PTPRU: variants seen among roughly 807,000 people sequenced by gnomAD.
PTPRU encodes the protein receptor-type tyrosine-protein phosphatase U.
PTPRU carries 69 observed loss-of-function variants against 166.3 expected under a neutral mutation model. The observed-to-expected ratio is 0.41, with a 90% confidence interval of 0.34 to 0.51. The LOEUF (loss-of-function observed/expected upper bound fraction) is 0.51. Among genes scored for constraint, PTPRU ranks in the 20% least tolerant of loss-of-function variants. The pLI is 0.09. For synonymous variants in PTPRU, 793 were observed against 814.0 expected (o/e 0.97, Z 0.44); for missense variants, 1,657 against 2,013.7 (o/e 0.82, Z 3.39).
intron 7 of PTPRU, among the ~76,000 whole-genome samples, chr1:29,269,981 C>T (rs1685492241): frequency 6.6e-6 from 1 of 152,100 alleles, no homozygotes; most frequent in Non-Finnish European, 1.5e-5. Flanking sequence ...TGTTTGCCTC[C>T]AGACTTCTAT....
Position 29,280,456 on chromosome 1 carries a change from C to T in PTPRU, c.1868+315C>T, listed in dbSNP as rs1686012218. On this transcript the variant is annotated intron_variant, in intron 11 of 29. Transcript: ENST00000373779. The surrounding 1 kb of genome is among the most constrained non-coding windows in gnomAD (Gnocchi z 4.2). ...CCTTGGAGAAGTGAAACTCTGGGGG[C>T]CTTATATCATCCCAGCCTTTTCCTG... Among the ~76,000 whole-genome samples the T allele has an allele frequency of 6.6e-6, 1 of 152,152 alleles. No homozygotes were observed.
chr1:29,299,088 C>T (rs9426416), intron 15 of PTPRU, among the ~76,000 whole-genome samples: 37,977 of 152,058 alleles, frequency 0.25, 5,993 homozygotes, highest in East Asian at 0.63. Flanking sequence ...GAAAGTGCCA[C>T]CACTGAGGGA....
Position 29,258,670 on chromosome 1 carries a change from A to G in PTPRU, c.371A>G (p.Asn124Ser). The change falls in exon 3 of 30, where the codon AAT becomes AGT. Residue 124 changes from asparagine to serine, a missense_variant. Asn to Ser is a conservative substitution (Grantham distance 46). Around this residue, in one of 3 missense-constraint regions of PTPRU, gnomAD observed 453 missense variants for 496.9 expected, o/e 0.91. Transcript: ENST00000373779. ...PGTLGVYVRV[N>S]GGPLGSAVWN... is the part of the protein sequence containing the mutation. The stretch of plus-strand genomic sequence containing the variant: ...ACCCTGGGCGTCTACGTGCGCGTTA[A>G]TGGGGGCCCCCTGGGCAGTGCTGTG... The G allele has an allele frequency of 4.3e-6, 7 of 1,614,192 alleles. No homozygotes were observed. Among genetic ancestry groups the G allele is most frequent in the Non-Finnish European group, 5.9e-6 (7 of 1,180,030 alleles).
intron 2 of PTPRU, 94 bp downstream of exon 2, chr1:29,255,500 C>G: frequency 6.6e-7 from 1 of 1,512,526 alleles, no homozygotes; most frequent in South Asian, 1.2e-5. Context: ...TACTTAACCT[C>G]TCTGGGCCCC....
At chr1:29,312,182 C>T (rs1165864226) in intron 21 of PTPRU, among the ~76,000 whole-genome samples, 3 of 152,174 alleles carry the variant, frequency 2.0e-5, no homozygotes. Flanking sequence ...TCTGTAAAGT[C>T]CTCAGAGGAA....
chr1:29,263,077 T>TGGGATCAA (rs963238686), intron 7 of PTPRU, among the ~76,000 whole-genome samples: 1 of 152,180 alleles, frequency 6.6e-6, no homozygotes, highest in Admixed American at 6.5e-5. Context: ...CTCCACCTCC[T>TGGGATCAA]GGGATCAAGG....
chr1:29,310,092 C>T (rs1252860826), intron 18 of PTPRU, among the ~76,000 whole-genome samples: 4 of 152,096 alleles, frequency 2.6e-5, no homozygotes, highest in African/African-American at 7.2e-5. Flanking sequence ...GCCTCTCTCT[C>T]GTGGGAGGTG....
intron 17 of PTPRU, 138 bp downstream of exon 17, chr1:29,304,987 G>A (rs1193844963): frequency 8.8e-6 from 6 of 684,908 alleles, no homozygotes; most frequent in South Asian, 6.1e-5. Flanking sequence ...CCTACCACAC[G>A]TCACGCCCTG....
Position 29,305,575 on chromosome 1 carries a change from G to A in PTPRU, c.2820+147G>A, listed in dbSNP as rs751589885. On this transcript the variant is annotated intron_variant, in intron 18 of 29. Coordinates refer to ENST00000373779, the MANE Select transcript of PTPRU (RefSeq NM_133178.4). ...CTATCTCTGCAGTCAGTGCCAGGGA[G>A]CTCAGAGGAGGGAGGACAGTGAGCA... 9 of 863,260 alleles carry A rather than the reference G, an allele frequency of 1.0e-5. No homozygotes were observed. In the African/African-American group the frequency reaches 1.3e-4, roughly 13 times the overall value. The allele number at this position is 863,260 out of a possible 1,614,324, so 53.5% of individuals were successfully genotyped here. A position where few individuals can be genotyped will look rare whatever the true frequency, so the allele number is the denominator to read the frequency against.
chr1:29,310,935 T>C (rs946943763), intron 19 of PTPRU, among the ~76,000 whole-genome samples, 155 bp downstream of exon 19: 1 of 152,158 alleles, frequency 6.6e-6, no homozygotes, highest in African/African-American at 2.4e-5. Context: ...GTTCATCTGC[T>C]CCCGATTCTG....
chr1:29,296,679 GTT>G (rs60675448), intron 15 of PTPRU, among the ~76,000 whole-genome samples: 14 of 135,770 alleles, frequency 1.0e-4, no homozygotes, highest in South Asian at 2.3e-4. Flanking sequence ...TTGCTACTTT[GTT>G]TTTTTTTTTT....
chr1:29,314,621 A>G (rs543991620), intron 22 of PTPRU, among the ~76,000 whole-genome samples: 2 of 151,710 alleles, frequency 1.3e-5, no homozygotes, highest in South Asian at 4.2e-4. Flanking sequence ...TCTGTCATCC[A>G]GGCTGGAGTG....
In PTPRU at chr1:29,261,377, G is replaced by A. The variant is rs115762184; in HGVS notation, c.1144+474G>A. Among the ~76,000 whole-genome samples the A allele has an allele frequency of 2.5e-3, 380 of 152,310 alleles. 1 individual carries two copies. Among genetic ancestry groups the A allele is most frequent in the Non-Finnish European group, 4.8e-3 (328 of 68,034 alleles). ...TCTAGCTGGTTTCTCTTGTCTGGGT[G>A]TTGAGCCTGAGGTCTGCTCTTCCTT... On this transcript the variant is annotated intron_variant, in intron 7 of 29. Coordinates refer to ENST00000373779, the MANE Select transcript of PTPRU (RefSeq NM_133178.4).
intron 12 of PTPRU, chr1:29,283,700 A>G (rs1022316975): frequency 5.1e-5 from 27 of 527,526 alleles, no homozygotes; most frequent in African/African-American, 4.6e-4. Flanking sequence ...TTTCCCCAAG[A>G]CGTTTGTTTC....
rs1467399917 is a variant in PTPRU, at chr1:29,282,873, G to A, written c.2066G>A (p.Arg689Gln). The A allele has an allele frequency of 5.0e-6, 8 of 1,613,996 alleles. No homozygotes were observed. Among genetic ancestry groups the A allele is most frequent in the Admixed American group, 1.7e-5 (1 of 60,008 alleles). The change falls in exon 12 of 30, where the codon CGA becomes CAA. Residue 689 changes from arginine (R) to glutamine (Q), a missense_variant. Around this residue, in one of 3 missense-constraint regions of PTPRU, gnomAD observed 1,190 missense variants for 1,477.4 expected, o/e 0.81. Transcript: ENST00000373779. Reference sequence around the variant, plus strand: ...ACCGTGGGTGACAACCAGACCTACCGAGGCTTCTGGAACCCACCACTTGAG... The same window carrying A: ...ACCGTGGGTGACAACCAGACCTACCAAGGCTTCTGGAACCCACCACTTGAG... ...PFTVGDNQTYRGFWNPPLEPR... is the reference protein window; with the variant it reads ...PFTVGDNQTYQGFWNPPLEPR...
chr1:29,313,167 C>A (rs1457297153), intron 22 of PTPRU, among the ~76,000 whole-genome samples: 1 of 152,192 alleles, frequency 6.6e-6, no homozygotes, highest in East Asian at 1.9e-4. Flanking sequence ...ACCCCAGCTG[C>A]CCCTCCTCTC....
At chr1:29,259,424 T>C in intron 4 of PTPRU, 25 bp from the exon 5 acceptor site, 1 of 1,608,404 alleles carries the variant, frequency 6.2e-7, no homozygotes, top group Non-Finnish European at 8.5e-7. Flanking sequence ...CAGGCCCAGC[T>C]CACGATGCAG....
chr1:29,270,950 A>G (rs1406290124), intron 7 of PTPRU, among the ~76,000 whole-genome samples: 1 of 152,174 alleles, frequency 6.6e-6, no homozygotes, highest in Non-Finnish European at 1.5e-5. Context: ...ACTGTGTCTC[A>G]AAAAAACAAA....
rs111543715 is a variant in PTPRU at position 29,277,785 on chromosome 1, G to A, written c.1454-1227G>A. On this transcript the variant is annotated intron_variant, in intron 8 of 29. Transcript: ENST00000373779. Reference sequence around the variant, plus strand: ...GCCTGGCTTTCTAACCTGACCATCTGGCTTCACAGTTGTCATTCTTTTTTT... The same window carrying A: ...GCCTGGCTTTCTAACCTGACCATCTAGCTTCACAGTTGTCATTCTTTTTTT... Among the ~76,000 whole-genome samples the A allele has an allele frequency of 1.1e-3, 141 of 131,210 alleles. 2 individuals carry two copies. The highest frequency in any genetic ancestry group is 4.1e-3 in the African/African-American group (137 of 33,730). The allele number at this position is 131,210 out of a possible 152,430, so 86.1% of individuals were successfully genotyped here. A position where few individuals can be genotyped will look rare whatever the true frequency, so the allele number is the denominator to read the frequency against.
Sources: gnomAD v4.1 joint callset for allele counts (sites outside exome capture counted in the v4.1 genomes callset) on GRCh38, gnomAD v4.1.1 for gene constraint, gnomAD v4.1.1 regional missense constraint, Gnocchi (gnomAD v3.1) non-coding constraint, MANE v1.5 for transcripts, NCBI Gene and HGNC (gene_info 2026-07-23, HGNC 2026-07-21) for gene names.